GDE1: variants seen among roughly 807,000 people sequenced by gnomAD.
GDE1 encodes glycerophosphodiester phosphodiesterase 1.
Under a neutral mutation model 32.2 loss-of-function variants are expected in GDE1, and 24 were observed. The ratio of observed to expected loss-of-function variants is 0.75; its 90% CI spans 0.54 to 1.05. GDE1 has a LOEUF of 1.05. Among genes scored for constraint, GDE1 ranks in the 50% least tolerant of loss-of-function variants. The pLI is 0.00. For missense variants in GDE1, 380 were observed against 415.0 expected (o/e 0.92, Z 0.73); for synonymous variants, 159 against 158.6 (o/e 1.00, Z -0.02).
At chr16:19,513,392 T>G (rs573179963) in intron 2 of GDE1, among the ~76,000 whole-genome samples, 8 of 152,184 alleles carry the variant, frequency 5.3e-5, no homozygotes, top group Non-Finnish European at 1.0e-4. Context: ...ATTACTTTCT[T>G]GATTTCTTTT....
In GDE1 at chr16:19,521,824, A is replaced by G. The variant is rs746404618; in HGVS notation, c.141T>C (p.Phe47=). 5.0e-5 allele frequency: 80 copies of G among 1,610,972 alleles called. No individual in the cohort carries two copies. The highest frequency in any genetic ancestry group is 1.7e-5 in the Admixed American group (1 of 59,672). ...SLFVLLRVFS[F]EPVPSCRALQ... is the part of the protein sequence containing the mutation. ...GGGCCCTGCAAGAGGGCACCGGCTC[A>G]AAGCTGAAGACGCGCAGTAGAACGA... Residue 47 remains phenylalanine (F), a synonymous_variant, in exon 1 of 6, where the codon TTT becomes TTC. Coordinates refer to ENST00000353258, the MANE Select transcript of GDE1 (RefSeq NM_016641.4).
intron 2 of GDE1, among the ~76,000 whole-genome samples, chr16:19,514,540 C>T (rs1191105711): frequency 6.6e-6 from 1 of 152,130 alleles, no homozygotes; most frequent in Non-Finnish European, 1.5e-5. Flanking sequence ...TAATAGAATG[C>T]TATGCAGGAG....
At chr16:19,520,220 A>G (rs1597238797) in intron 1 of GDE1, among the ~76,000 whole-genome samples, 1 of 151,934 alleles carries the variant, frequency 6.6e-6, no homozygotes, top group African/African-American at 2.4e-5. Flanking sequence ...CATTCTCCAC[A>G]TGGGCCAGAG....
rs764316100 is a variant in GDE1, at chr16:19,517,013, C to T, written c.437+1G>A. On this transcript the variant is annotated splice_donor_variant, in intron 2 of 5. Coordinates refer to ENST00000353258, the MANE Select transcript of GDE1 (RefSeq NM_016641.4). LOFTEE classifies it high-confidence loss of function. ...TGTTTAAGTGACAATAAACTACTTA[C>T]CTGAGTCTGTGGTTTGCTGCAGGAT... is the stretch of plus-strand genomic sequence containing the variant. 10 of 1,613,374 alleles carry T rather than the reference C, an allele frequency of 6.2e-6. No homozygotes were observed. In the African/African-American group the frequency reaches 6.7e-5, roughly 11 times the overall value.
chr16:19,522,075 CT>C lies in GDE1; in HGVS notation c.-112del. On this transcript the variant is annotated 5_prime_UTR_variant, in exon 1 of 6. Transcript: ENST00000353258. ...AGGCACCGGCAGCAGCAGGAACCCT[CT>C]GAGGGGACCAGCGCCGCACAATGGC... 8.8e-7 allele frequency: 1 copy of C among 1,132,902 alleles called. No homozygotes were observed. The highest frequency in any genetic ancestry group is 1.2e-6 in the Non-Finnish European group (1 of 820,830). 70.2% of individuals were successfully genotyped at this position (1,132,902 alleles called of 1,614,324 possible).
At chr16:19,518,534 C>T (rs1044315897) in intron 1 of GDE1, among the ~76,000 whole-genome samples, 7 of 152,122 alleles carry the variant, frequency 4.6e-5, no homozygotes, top group South Asian at 2.1e-4. Flanking sequence ...CACTCTTATC[C>T]GCTTCAGTTT....
chr16:19,518,904 C>T (rs73544146), intron 1 of GDE1, among the ~76,000 whole-genome samples: 1 of 152,168 alleles, frequency 6.6e-6, no homozygotes, highest in Non-Finnish European at 1.5e-5. Context: ...CATTTTCCCT[C>T]TGCTCTCACA....
chr16:19,504,617 C>G (rs1969220618), intron 5 of GDE1: 1 of 343,192 alleles, frequency 2.9e-6, no homozygotes, highest in Non-Finnish European at 5.3e-6. Context: ...AAATAAAATC[C>G]CTTGCTCAGC....
Position 19,507,730 on chromosome 16 carries a change from T to A in GDE1, c.593A>T (p.Asn198Ile), listed in dbSNP as rs1168737558. ...CAAGAAAGAACAGACCACACTATTA[T>A]TATACAGTTGAGGAAATTCCATATA... ...KMYMEFPQLY[N>I]NSVVCSFLPE... Residue 198 changes from asparagine to isoleucine, a missense_variant, in exon 4 of 6, where the codon AAT (asparagine) becomes ATT (isoleucine). Transcript: ENST00000353258. The A allele has an allele frequency of 1.3e-6, 2 of 1,583,228 alleles. No homozygotes were observed. The highest frequency in any genetic ancestry group is 8.7e-7 in the Non-Finnish European group (1 of 1,152,084).
At chr16:19,511,128 A>T (rs1185039349) in intron 2 of GDE1, among the ~76,000 whole-genome samples, 184 bp from the exon 3 acceptor site, 2 of 143,544 alleles carry the variant, frequency 1.4e-5, no homozygotes, top group East Asian at 4.0e-4. Context: ...TTTGAGACGG[A>T]GTCTTGCTCT....
intron 2 of GDE1, among the ~76,000 whole-genome samples, chr16:19,512,486 C>T (rs889742149): frequency 2.0e-5 from 3 of 152,102 alleles, no homozygotes; most frequent in Non-Finnish European, 4.4e-5. Flanking sequence ...GAATAGTTTG[C>T]AAATATTTTC....
At chr16:19,518,624 A>AT in intron 1 of GDE1, among the ~76,000 whole-genome samples, 1 of 152,134 alleles carries the variant, frequency 6.6e-6, no homozygotes, top group Non-Finnish European at 1.5e-5. Flanking sequence ...TACCATCTTA[A>AT]AGTTGGTGTA....
Position 19,504,938 on chromosome 16 carries a change from A to C in GDE1, c.791T>G (p.Ile264Ser). 6.2e-7 allele frequency: 1 copy of C among 1,613,770 alleles called. No individual in the cohort carries two copies. Among genetic ancestry groups the C allele is most frequent in the South Asian group, 1.1e-5 (1 of 91,078 alleles). ...DILLDWSMHN[I>S]LWYLCGISAF... ...TGAAATTCCACACAGGTACCACAAG[A>C]TATTATGCATGCTCCAATCGAGCAA... The change falls in exon 5 of 6, where the codon ATC becomes AGC. Residue 264 changes from isoleucine (I) to serine (S), a missense_variant. Ile to Ser is a moderately radical substitution (Grantham distance 142). Transcript: ENST00000353258.
intron 5 of GDE1, chr16:19,503,945 T>A: frequency 4.5e-6 from 1 of 222,692 alleles, no homozygotes; most frequent in Non-Finnish European, 8.8e-6. Context: ...TTCTTTTCTG[T>A]GCTGATTAAT....
intron 5 of GDE1, chr16:19,504,186 C>T (rs947120007): frequency 1.3e-5 from 2 of 152,792 alleles, no homozygotes; most frequent in Non-Finnish European, 2.9e-5. Flanking sequence ...TAGCCTGTAT[C>T]TTAGTTTTAA....
rs1969201081 is a variant in GDE1, at chr16:19,503,236, T to G, written c.*234A>C. On this transcript the variant is annotated 3_prime_UTR_variant, in exon 6 of 6. Transcript: ENST00000353258. ...AGCTAGGGCAGGGCAGGGGCTCTTG[T>G]GCGTTTTTTCAGACCCAGATTTTCA... 1 of 521,188 alleles carries G rather than the reference T, an allele frequency of 1.9e-6. No individual in the cohort carries two copies. The allele number at this position is 521,188 out of a possible 1,614,324, so 32.3% of individuals were successfully genotyped here.
Position 19,507,704 on chromosome 16 carries a change from G to T in GDE1, c.619C>A (p.Pro207Thr). 1.9e-6 allele frequency: 3 copies of T among 1,562,494 alleles called. No individual in the cohort carries two copies. The highest frequency in any genetic ancestry group is 1.4e-5 in the African/African-American group (1 of 74,032). The change falls in exon 4 of 6, where the codon CCA (proline) becomes ACA (threonine). Residue 207 changes from proline to threonine, a missense_variant. Transcript: ENST00000353258. ...AATGTTACCTTGTAGATAACTTCTG[G>T]CAAGAAAGAACAGACCACACTATTA... ...YNNSVVCSFL[P>T]EVIYKMRQTD...
chr16:19,507,817 A>T, intron 3 of GDE1, 38 bp from the exon 4 acceptor site: 1 of 956,330 alleles, frequency 1.0e-6, no homozygotes, highest in Non-Finnish European at 1.7e-6. Flanking sequence ...AAAATTGATT[A>T]AAATGTGATA....
chr16:19,521,872 G>C lies in GDE1; in HGVS notation c.93C>G (p.Ala31=), dbSNP rs35567178. 3.2e-3 allele frequency: 5,149 copies of C among 1,605,316 alleles called. 167 individuals carry two copies. In the African/African-American group the frequency reaches 0.062, roughly 19 times the overall value. The change falls in exon 1 of 6, where the codon GCC becomes GCG. Residue 31 remains alanine, a synonymous_variant. Coordinates refer to ENST00000353258, the MANE Select transcript of GDE1 (RefSeq NM_016641.4). ...LLLVTRSPVN[A]CLLTGSLFVL... is the part of the protein sequence containing the mutation. ...CGAAGAGGCTGCCGGTGAGGAGGCAGGCATTGACCGGGCTCCGCGTCACCA... is the reference window on the plus strand; with the variant it reads ...CGAAGAGGCTGCCGGTGAGGAGGCACGCATTGACCGGGCTCCGCGTCACCA...
Sources: allele counts gnomAD v4.1 joint callset (sites outside exome capture counted in the v4.1 genomes callset), GRCh38; gene constraint gnomAD v4.1.1; transcripts MANE v1.5; gene names NCBI Gene and HGNC (gene_info 2026-07-23, HGNC 2026-07-21).